The following CADPS2 variants were observed in gnomAD, a reference collection of about 807,000 sequenced individuals.
CADPS2 encodes the protein calcium dependent secretion activator 2, also known as calcium-dependent secretion activator 2.
Under a neutral mutation model 172.5 loss-of-function variants are expected in CADPS2, and 93 were observed. That is an observed-to-expected ratio of 0.54 (90% CI 0.46 to 0.64). The LOEUF (loss-of-function observed/expected upper bound fraction) is 0.64, where lower values mean the gene tolerates loss of function less well. CADPS2 is among the 30% of genes least tolerant of loss of function. CADPS2 has a pLI of 0.00. For missense variants in CADPS2, 1,420 were observed against 1,565.9 expected, an observed-to-expected ratio of 0.91 and a Z score of 1.57; for synonymous variants, 546 against 555.2, an observed-to-expected ratio of 0.98 and a Z score of 0.23.
chr7:122,777,298 T>C (rs1344559353), intron 1 of CADPS2, among the ~76,000 whole-genome samples: 1 of 152,206 alleles, frequency 6.6e-6, no homozygotes, highest in East Asian at 1.9e-4. Flanking sequence ...TTTTGTACCA[T>C]TGCTGCCACC....
intron 2 of CADPS2, among the ~76,000 whole-genome samples, chr7:122,713,507 C>T (rs2089101778): frequency 6.6e-6 from 1 of 152,004 alleles, no homozygotes; most frequent in Non-Finnish European, 1.5e-5. Flanking sequence ...ACTGCCAGCA[C>T]CCATCATATT....
chr7:122,854,356 G>T (rs1174542144), intron 1 of CADPS2, among the ~76,000 whole-genome samples: 1 of 152,092 alleles, frequency 6.6e-6, no homozygotes, highest in African/African-American at 2.4e-5. Context: ...GGGTGACACA[G>T]TGAAGTCCTG....
At chr7:122,696,996 T>C (rs1328029055) in intron 2 of CADPS2, among the ~76,000 whole-genome samples, 3 of 152,156 alleles carry the variant, frequency 2.0e-5, no homozygotes, top group African/African-American at 7.2e-5. Context: ...TAGTCTGGCA[T>C]AGATTAAACA....
intron 2 of CADPS2, among the ~76,000 whole-genome samples, chr7:122,672,952 A>C (rs1223590007): frequency 1.3e-5 from 2 of 152,210 alleles, no homozygotes; most frequent in Non-Finnish European, 2.9e-5. Context: ...TCAGATGTTC[A>C]GATGTGTCCG....
At chr7:122,630,099 G>A (rs1047941206) in intron 3 of CADPS2, among the ~76,000 whole-genome samples, 16 of 152,104 alleles carry the variant, frequency 1.1e-4, no homozygotes, top group Admixed American at 2.6e-4. Context: ...GATGTTAAGT[G>A]TTAATTTTCT....
intron 28 of CADPS2, among the ~76,000 whole-genome samples, chr7:122,326,898 T>A (rs2033981217): frequency 6.6e-6 from 1 of 152,028 alleles, no homozygotes; most frequent in South Asian, 2.1e-4. Flanking sequence ...TGAACATATA[T>A]GCATCAAATG....
At chr7:122,478,719 T>C (rs1196402621) in intron 12 of CADPS2, among the ~76,000 whole-genome samples, 3 of 152,098 alleles carry the variant, frequency 2.0e-5, no homozygotes, top group Non-Finnish European at 2.9e-5. Context: ...GTGAGGACTA[T>C]CAGTGAGGGG....
At chr7:122,663,730 CATA>C (rs2080866763) in intron 2 of CADPS2, among the ~76,000 whole-genome samples, 161 bp from the exon 3 acceptor site, 1 of 152,208 alleles carries the variant, frequency 6.6e-6, no homozygotes, top group Non-Finnish European at 1.5e-5. Context: ...TAACTAATGT[CATA>C]ATGTTGGCCC....
At chr7:122,587,139 C>T (rs928119441) in intron 6 of CADPS2, among the ~76,000 whole-genome samples, 9 of 151,478 alleles carry the variant, frequency 5.9e-5, no homozygotes, top group African/African-American at 1.9e-4. Flanking sequence ...CTGGGGTACA[C>T]GTGCAGGTTG....
intron 8 of CADPS2, among the ~76,000 whole-genome samples, chr7:122,529,547 T>C (rs2061576694): frequency 6.6e-6 from 1 of 152,030 alleles, no homozygotes; most frequent in Non-Finnish European, 1.5e-5. Flanking sequence ...GCCAGTCTGG[T>C]GGTGTCTCTG....
intron 25 of CADPS2, among the ~76,000 whole-genome samples, chr7:122,376,354 TTAAAA>T (rs1365226261): frequency 1.3e-5 from 2 of 152,128 alleles, no homozygotes; most frequent in Non-Finnish European, 2.9e-5. Context: ...GAATGGATAA[TTAAAA>T]TGAGTTATGT....
chr7:122,766,490 G>A (rs371219887), intron 1 of CADPS2, among the ~76,000 whole-genome samples: 2 of 152,044 alleles, frequency 1.3e-5, no homozygotes, highest in South Asian at 2.1e-4. Flanking sequence ...CTCCCCACAC[G>A]CAAACCTGTT....
intron 20 of CADPS2, among the ~76,000 whole-genome samples, chr7:122,403,656 T>C (rs983261736): frequency 1.3e-5 from 2 of 152,148 alleles, no homozygotes; most frequent in African/African-American, 2.4e-5. Flanking sequence ...TTTTAATTTA[T>C]TACCCCACAA....
At chr7:122,742,753 C>T (rs2092552092) in intron 1 of CADPS2, among the ~76,000 whole-genome samples, 1 of 152,122 alleles carries the variant, frequency 6.6e-6, no homozygotes, top group African/African-American at 2.4e-5. Context: ...TGTATCTGAG[C>T]CACTGTTCTA....
At position 122,403,772 on chromosome 7, in the gene CADPS2, A is replaced by G. The variant is rs2046260501; in HGVS notation, c.2746+3768T>C. Among the ~76,000 whole-genome samples the G allele has an allele frequency of 2.6e-5, 4 of 152,316 alleles. No homozygotes were observed. The South Asian group carries it at 8.3e-4, about 32-fold the overall frequency. On this transcript the variant is annotated intron_variant, in intron 20 of 29. Coordinates refer to ENST00000449022, the MANE Select transcript of CADPS2 (RefSeq NM_017954.11). ...TCATTGTAGATAAGTAATTCATTGT[A>G]GATAAGTAATTCCATTCATTGTAGA... is the stretch of plus-strand genomic sequence containing the variant.
chr7:122,618,859 T>A (rs1447913959), intron 5 of CADPS2, among the ~76,000 whole-genome samples: 1 of 152,212 alleles, frequency 6.6e-6, no homozygotes, highest in Non-Finnish European at 1.5e-5. Context: ...ACGATTTTAC[T>A]TTGTTGCTGG....
chr7:122,657,015 C>T (rs2079882350), intron 3 of CADPS2, among the ~76,000 whole-genome samples: 1 of 152,116 alleles, frequency 6.6e-6, no homozygotes, highest in South Asian at 2.1e-4. Context: ...CCAGTTTCAG[C>T]TTTCTACATA....
chr7:122,717,765 G>A (rs918680962), intron 2 of CADPS2, among the ~76,000 whole-genome samples: 1 of 151,968 alleles, frequency 6.6e-6, no homozygotes, highest in Non-Finnish European at 1.5e-5. Flanking sequence ...GAAAAATATT[G>A]AAATACAACT....
chr7:122,558,762 G>T (rs968677623), intron 7 of CADPS2, among the ~76,000 whole-genome samples: 1 of 152,132 alleles, frequency 6.6e-6, no homozygotes, highest in Non-Finnish European at 1.5e-5. Flanking sequence ...TATATAAGCT[G>T]TCACTTCTAC....
Sources: gnomAD v4.1 joint callset for allele counts (sites outside exome capture counted in the v4.1 genomes callset) on GRCh38, gnomAD v4.1.1 for gene constraint, MANE v1.5 for transcripts, NCBI Gene and HGNC (gene_info 2026-07-23, HGNC 2026-07-21) for gene names.